PDC: variants seen among roughly 807,000 people sequenced by gnomAD.
PDC encodes phosducin.
In PDC, 19 loss-of-function variants were observed where a neutral mutation model predicts 22.2. The ratio of observed to expected loss-of-function variants is 0.86; its 90% confidence interval spans 0.60 to 1.26. The LOEUF (loss-of-function observed/expected upper bound fraction) is 1.26. PDC is among the 50% of genes most tolerant of loss of function. The pLI is 0.00. For missense variants in PDC, 274 were observed against 286.8 expected (o/e 0.96, Z 0.32); for synonymous variants, 97 against 96.2 (o/e 1.01, Z -0.05).
chr1:186,459,594 T>C (rs1387095566), intron 1 of PDC, among the ~76,000 whole-genome samples: 1 of 151,836 alleles, frequency 6.6e-6, no homozygotes, highest in Non-Finnish European at 1.5e-5. Flanking sequence ...ATGGTTCATA[T>C]ATATTTTGAT....
intron 1 of PDC, among the ~76,000 whole-genome samples, chr1:186,458,646 G>A (rs1384153780): frequency 5.3e-5 from 8 of 151,416 alleles, no homozygotes; most frequent in African/African-American, 4.9e-5. Flanking sequence ...AGTCCCCACA[G>A]GGTCATTTAA....
chr1:186,446,745 A>G (rs1662238295), intron 2 of PDC, among the ~76,000 whole-genome samples, 168 bp from the exon 3 acceptor site: 1 of 152,218 alleles, frequency 6.6e-6, no homozygotes, highest in Admixed American at 6.5e-5. Context: ...TCATAAAAAT[A>G]TGCTCCCACA....
intron 1 of PDC, among the ~76,000 whole-genome samples, chr1:186,454,834 T>A (rs1464209141): frequency 6.6e-6 from 1 of 152,240 alleles, no homozygotes; most frequent in African/African-American, 2.4e-5. Flanking sequence ...ATTTGATTTT[T>A]AAAATGTATT....
At chr1:186,445,010 T>C (rs1453650210) in intron 3 of PDC, among the ~76,000 whole-genome samples, 1 of 152,148 alleles carries the variant, frequency 6.6e-6, no homozygotes, top group Non-Finnish European at 1.5e-5. Context: ...CTCCAGGGTA[T>C]TATTATTCAC....
At chr1:186,454,099 C>T (rs1662404089) in intron 1 of PDC, among the ~76,000 whole-genome samples, 1 of 150,588 alleles carries the variant, frequency 6.6e-6, no homozygotes, top group African/African-American at 2.4e-5. Flanking sequence ...TATATTTTCG[C>T]TTTGGATTAA....
chr1:186,453,988 G>A (rs183175059), intron 1 of PDC, among the ~76,000 whole-genome samples: 9 of 152,046 alleles, frequency 5.9e-5, no homozygotes, highest in Non-Finnish European at 8.8e-5. Flanking sequence ...CAAAGAAGCC[G>A]ACCTAATTTT....
rs2976247 is a variant in PDC, at chr1:186,454,244, C to G, written c.-24-4761G>C. Among the ~76,000 whole-genome samples, 437 of 134,412 alleles carry G rather than the reference C, an allele frequency of 3.3e-3. 1 individual carries two copies. The highest frequency in any genetic ancestry group is 4.9e-3 in the Non-Finnish European group (317 of 65,250). The allele number at this position is 134,412 out of a possible 152,430, so 88.2% of individuals were successfully genotyped here. A position where few individuals can be genotyped will look rare whatever the true frequency, so the allele number is the denominator to read the frequency against. On this transcript the variant is annotated intron_variant, in intron 1 of 3. Transcript: ENST00000391997. ...GCTGGAGTACAGTGGTGCGATCTTACTCACTGCTACTTCTGCCTCCCGGGT... is the reference window on the plus strand; with the variant it reads ...GCTGGAGTACAGTGGTGCGATCTTAGTCACTGCTACTTCTGCCTCCCGGGT...
chr1:186,446,963 A>G (rs137933213), intron 2 of PDC, among the ~76,000 whole-genome samples: 2 of 152,298 alleles, frequency 1.3e-5, no homozygotes, highest in African/African-American at 4.8e-5. Flanking sequence ...AATTGGCATT[A>G]CAGTATTAAT....
chr1:186,448,265 T>A (rs1662276723), intron 2 of PDC, among the ~76,000 whole-genome samples: 1 of 152,210 alleles, frequency 6.6e-6, no homozygotes, highest in Non-Finnish European at 1.5e-5. Context: ...ATCAGCAATG[T>A]ATGAGGGTGC....
At chr1:186,448,343 T>G (rs1278033680) in intron 2 of PDC, among the ~76,000 whole-genome samples, 4 of 152,166 alleles carry the variant, frequency 2.6e-5, no homozygotes, top group Admixed American at 2.6e-4. Flanking sequence ...CTGTTTCTTT[T>G]TTTCCCCATG....
In PDC at chr1:186,443,791, G is replaced by A; in HGVS notation, c.*188C>T. Reference sequence around the variant, plus strand: ...TTGCTGAAGACAGCTCTGTTTTGTAGTCAAGCATTGTATCAATTTGAGTAA... The same window carrying A: ...TTGCTGAAGACAGCTCTGTTTTGTAATCAAGCATTGTATCAATTTGAGTAA... On this transcript the variant is annotated 3_prime_UTR_variant, in exon 4 of 4. Coordinates refer to ENST00000391997, the MANE Select transcript of PDC (RefSeq NM_002597.5). 1.8e-6 allele frequency: 1 copy of A among 562,174 alleles called. No individual in the cohort carries two copies. Among genetic ancestry groups the A allele is most frequent in the Non-Finnish European group, 3.2e-6 (1 of 316,994 alleles). The allele number at this position is 562,174 out of a possible 1,614,324, so 34.8% of individuals were successfully genotyped here.
chr1:186,455,346 T>C (rs1662435104), intron 1 of PDC, among the ~76,000 whole-genome samples: 1 of 152,206 alleles, frequency 6.6e-6, no homozygotes. Flanking sequence ...TTCTAAATAC[T>C]GTCATATTGG....
chr1:186,459,362 G>A (rs932559356), intron 1 of PDC, among the ~76,000 whole-genome samples: 1 of 152,126 alleles, frequency 6.6e-6, no homozygotes, highest in African/African-American at 2.4e-5. Context: ...ACGGGGTTTC[G>A]CTGTGTTGGC....
intron 1 of PDC, among the ~76,000 whole-genome samples, chr1:186,458,204 G>C (rs1380682746): frequency 1.5e-5 from 2 of 132,550 alleles, no homozygotes; most frequent in Non-Finnish European, 3.1e-5. Context: ...ATCCAAGTTT[G>C]CTATTATGAC....
Position 186,443,888 on chromosome 1 carries a change from A to G in PDC, c.*91T>C. ...TTGTCAAGTTAGCATAGCCGTGCCC[A>G]TACTCTGTGTTCACTAAAGCAATAT... On this transcript the variant is annotated 3_prime_UTR_variant, in exon 4 of 4. Transcript: ENST00000391997. 4 of 903,776 alleles carry G rather than the reference A, an allele frequency of 4.4e-6. No individual in the cohort carries two copies. Among genetic ancestry groups the G allele is most frequent in the Non-Finnish European group, 7.0e-6 (4 of 575,530 alleles). The allele number at this position is 903,776 out of a possible 1,614,324, so 56.0% of individuals were successfully genotyped here. A position where few individuals can be genotyped will look rare whatever the true frequency, so the allele number is the denominator to read the frequency against.
At chr1:186,454,763 A>G (rs1233220732) in intron 1 of PDC, among the ~76,000 whole-genome samples, 1 of 152,210 alleles carries the variant, frequency 6.6e-6, no homozygotes, top group Non-Finnish European at 1.5e-5. Flanking sequence ...AAAGTGAGAT[A>G]TTTCACTCAT....
At chr1:186,458,319 C>CA (rs1271082203) in intron 1 of PDC, among the ~76,000 whole-genome samples, 2 of 131,472 alleles carry the variant, frequency 1.5e-5, no homozygotes, top group Non-Finnish European at 3.1e-5. Context: ...GCATCTGGGA[C>CA]AAAAAATTAG....
chr1:186,450,121 TAATCA>T (rs1167771338), intron 1 of PDC, among the ~76,000 whole-genome samples: 1 of 152,162 alleles, frequency 6.6e-6, no homozygotes, highest in African/African-American at 2.4e-5. Context: ...AGCCAACTCT[TAATCA>T]TTACACTATT....
At chr1:186,453,158 T>C (rs923662179) in intron 1 of PDC, among the ~76,000 whole-genome samples, 1 of 152,184 alleles carries the variant, frequency 6.6e-6, no homozygotes, top group African/African-American at 2.4e-5. Flanking sequence ...TAGTACTTTA[T>C]ATAGGATAAC....
Sources: allele counts gnomAD v4.1 joint callset (sites outside exome capture counted in the v4.1 genomes callset), GRCh38; gene constraint gnomAD v4.1.1; transcripts MANE v1.5; gene names NCBI Gene and HGNC (gene_info 2026-07-23, HGNC 2026-07-21).